Variants in PSPC1 observed in about 807,000 individuals in gnomAD.
The protein encoded by PSPC1 is paraspeckle protein 1.
In PSPC1, 14 loss-of-function variants were observed where a neutral mutation model predicts 51.6. That is an observed-to-expected ratio of 0.27 (90% confidence interval 0.18 to 0.42). PSPC1 has a LOEUF of 0.42. Ranked by LOEUF, PSPC1 falls within the 10% of genes least tolerant of loss-of-function variation. PSPC1 has a pLI of 1.00. For missense variants in PSPC1, 406 were observed against 701.1 expected (o/e 0.58, Z 4.75); for synonymous variants, 193 against 231.9 (o/e 0.83, Z 1.53).
rs557983108 is a variant in PSPC1 at position 19,706,730 on chromosome 13, A to G, written c.1217-899T>C. On this transcript the variant is annotated intron_variant, in intron 7 of 8. Transcript: ENST00000338910. ...GTACTTATCATTAAAAATTCATAAC[A>G]AAGCCATTCTAATTTAGAGTTTTCT... is the stretch of plus-strand genomic sequence containing the variant. Among the ~76,000 whole-genome samples the G allele has an allele frequency of 2.6e-5, 4 of 152,322 alleles. No homozygotes were observed. The East Asian group carries it at 7.7e-4, about 29-fold the overall frequency.
At position 19,730,236 on chromosome 13, in the gene PSPC1, T is replaced by C; in HGVS notation, c.1158+3A>G. On this transcript the variant is annotated splice_donor_region_variant and intron_variant, in intron 6 of 8. Coordinates refer to ENST00000338910, the MANE Select transcript of PSPC1 (RefSeq NM_001354909.2). ...CATTTTAGTTAACTAGTAGTTTACTTACATTTTCCATGTAGTTTGGCTTAA... is the reference window on the plus strand; with the variant it reads ...CATTTTAGTTAACTAGTAGTTTACTCACATTTTCCATGTAGTTTGGCTTAA... The C allele has an allele frequency of 1.2e-6, 2 of 1,611,710 alleles. No individual in the cohort carries two copies. The highest frequency in any genetic ancestry group is 1.7e-6 in the Non-Finnish European group (2 of 1,178,076).
In PSPC1 at chr13:19,687,998, G is replaced by A. The variant is rs369613828; in HGVS notation, c.1159-10175C>T. Among the ~76,000 whole-genome samples, 215 of 151,778 alleles carry A rather than the reference G, an allele frequency of 1.4e-3. 1 individual carries two copies. The highest frequency in any genetic ancestry group is 4.9e-3 in the African/African-American group (201 of 41,382). ...TGCTCACGGTGGGCCCACTCTGATC[G>A]TATCTACTCCCCGAAACAGATATAG... is the stretch of plus-strand genomic sequence containing the variant. On this transcript the variant is annotated intron_variant and NMD_transcript_variant, in intron 6 of 7. Transcript: ENST00000471658.
At chr13:19,707,480 T>A (rs1593581009) in intron 7 of PSPC1, among the ~76,000 whole-genome samples, 2 of 152,318 alleles carry the variant, frequency 1.3e-5, no homozygotes, top group African/African-American at 4.8e-5. Flanking sequence ...CTTGATGAGT[T>A]ATGACAGTTT....
At chr13:19,715,357 G>A (rs1881969794) in intron 6 of PSPC1, among the ~76,000 whole-genome samples, 1 of 152,086 alleles carries the variant, frequency 6.6e-6, no homozygotes, top group South Asian at 2.1e-4. Flanking sequence ...AAAGTGGCAT[G>A]GTAAACATGC....
At chr13:19,689,803 A>G (rs1391260438) in intron 6 of PSPC1, among the ~76,000 whole-genome samples, 1 of 152,254 alleles carries the variant, frequency 6.6e-6, no homozygotes, top group Non-Finnish European at 1.5e-5. Context: ...AATCTGGTCT[A>G]TTCTTAGAAA....
rs375990277 is a variant in PSPC1, at chr13:19,751,134, T to A, written c.967+137A>T. Reference sequence around the variant, plus strand: ...GGGAAGTTATCTGGGAAAAGGGAGATTTTCACACCTAATATGTTGAGTTCC... The same window carrying A: ...GGGAAGTTATCTGGGAAAAGGGAGAATTTCACACCTAATATGTTGAGTTCC... On this transcript the variant is annotated intron_variant, in intron 4 of 8. Transcript: ENST00000338910. 1.6e-5 allele frequency: 10 copies of A among 617,160 alleles called. No homozygotes were observed. The African/African-American group carries it at 1.9e-4, about 12-fold the overall frequency. 38.2% of individuals were successfully genotyped at this position (617,160 alleles called of 1,614,324 possible). A position where few individuals can be genotyped will look rare whatever the true frequency, so the allele number is the denominator to read the frequency against.
At position 19,782,923 on chromosome 13, in the gene PSPC1, T is replaced by G. The variant is rs1051143252; in HGVS notation, c.-166A>C. Reference sequence around the variant, plus strand: ...CCGTCCTCCCCCAACTCACGCCCGCTGCAGCTGCACATTCAAAATGGCGCT... The same window carrying G: ...CCGTCCTCCCCCAACTCACGCCCGCGGCAGCTGCACATTCAAAATGGCGCT... On this transcript the variant is annotated 5_prime_UTR_variant, in exon 1 of 9. Transcript: ENST00000338910. This position sits in a 1 kb window ranked among gnomAD's most constrained non-coding sequence, Gnocchi z 4.5. The G allele has an allele frequency of 7.6e-6, 5 of 660,356 alleles. No homozygotes were observed. Among genetic ancestry groups the G allele is most frequent in the East Asian group, 6.2e-5 (2 of 32,218 alleles). The allele number at this position is 660,356 out of a possible 1,614,324, so 40.9% of individuals were successfully genotyped here.
At chr13:19,739,329 T>C (rs992775360) in intron 5 of PSPC1, among the ~76,000 whole-genome samples, 6 of 152,196 alleles carry the variant, frequency 3.9e-5, no homozygotes, top group Admixed American at 6.6e-5. Context: ...TATTTTTTGC[T>C]TACATGAGGG....
downstream of PSPC1, chr13:19,673,556 A>C (rs1003771914): frequency 1.7e-5 from 3 of 175,214 alleles, no homozygotes; most frequent in African/African-American, 7.2e-5. Context: ...TGAATCATGT[A>C]GTATATCTGA....
At chr13:19,765,618 C>T (rs1888002672) in intron 2 of PSPC1, among the ~76,000 whole-genome samples, 1 of 150,954 alleles carries the variant, frequency 6.6e-6, no homozygotes, top group African/African-American at 2.4e-5. Context: ...CCTACTACTA[C>T]ACTCAGCTTG....
intron 4 of PSPC1, among the ~76,000 whole-genome samples, chr13:19,742,260 CA>C (rs36104148): frequency 0.03 from 3,516 of 119,122 alleles, 49 homozygotes; most frequent in Non-Finnish European, 0.032. Flanking sequence ...GACTCAATCT[CA>C]AAAAAAAAAA....
intron 6 of PSPC1, among the ~76,000 whole-genome samples, chr13:19,690,606 G>A (rs1463791790): frequency 6.6e-6 from 1 of 152,092 alleles, no homozygotes; most frequent in Admixed American, 6.5e-5. Context: ...TCTTCTTACT[G>A]CTTGGGGTTC....
At chr13:19,747,773 T>C (rs1053896729) in intron 4 of PSPC1, among the ~76,000 whole-genome samples, 1 of 152,098 alleles carries the variant, frequency 6.6e-6, no homozygotes, top group Admixed American at 6.5e-5. Context: ...AAGCAGAAGG[T>C]AGTAAATAGG....
chr13:19,685,840 CAA>C (rs1305529503), intron 6 of PSPC1, among the ~76,000 whole-genome samples: 1 of 152,182 alleles, frequency 6.6e-6, no homozygotes, highest in Non-Finnish European at 1.5e-5. Flanking sequence ...TCTCATTTCC[CAA>C]AGTTTCCTTT....
chr13:19,751,720 A>C (rs900195630), intron 3 of PSPC1, among the ~76,000 whole-genome samples: 4 of 152,072 alleles, frequency 2.6e-5, no homozygotes, highest in African/African-American at 7.2e-5. Context: ...TTACCTGCAA[A>C]ATTTCTGCTT....
chr13:19,772,593 T>A, intron 1 of PSPC1, 50 bp from the exon 2 acceptor site: 2 of 1,525,712 alleles, frequency 1.3e-6, no homozygotes, highest in Non-Finnish European at 8.8e-7. Flanking sequence ...ACAGAAAAAA[T>A]TCAAAACAGT....
intron 2 of PSPC1, 147 bp downstream of exon 2, chr13:19,772,095 G>T: frequency 1.2e-6 from 1 of 859,074 alleles, no homozygotes; most frequent in Non-Finnish European, 1.8e-6. Flanking sequence ...ACCAGTACAC[G>T]AAAATTTCTT....
intron 3 of PSPC1, among the ~76,000 whole-genome samples, chr13:19,757,465 G>A (rs979192569): frequency 3.3e-5 from 5 of 152,096 alleles, no homozygotes; most frequent in African/African-American, 9.7e-5. Context: ...AAAGACCATC[G>A]GTCCCTCTGC....
At chr13:19,682,921 A>T (rs1036559304) in intron 6 of PSPC1, among the ~76,000 whole-genome samples, 6 of 151,868 alleles carry the variant, frequency 4.0e-5, no homozygotes, top group Non-Finnish European at 4.4e-5. Flanking sequence ...AAAATAAATT[A>T]GCCAGATGCA....
Sources: gnomAD v4.1 joint callset for allele counts (sites outside exome capture counted in the v4.1 genomes callset) on GRCh38, gnomAD v4.1.1 for gene constraint, Gnocchi (gnomAD v3.1) non-coding constraint, MANE v1.5 for transcripts, NCBI Gene and HGNC (gene_info 2026-07-23, HGNC 2026-07-21) for gene names.